Variants in UBALD1 observed in about 807,000 individuals in gnomAD.
UBALD1 encodes the protein UBA like domain containing 1, also known as UBA-like domain-containing protein 1.
Under a neutral mutation model 16.1 loss-of-function variants are expected in UBALD1, and 5 were observed. That is an observed-to-expected ratio of 0.31 (90% CI 0.16 to 0.66). The LOEUF (loss-of-function observed/expected upper bound fraction) is 0.66, where lower values mean the gene tolerates loss of function less well. UBALD1 is among the 30% of genes least tolerant of loss of function. The probability of loss-of-function intolerance (pLI) is 0.77; values close to 1 mark genes in which losing one functional copy is unlikely to be tolerated. For synonymous variants in UBALD1, 146 were observed against 105.3 expected, an observed-to-expected ratio of 1.39 and a Z score of -2.37; for missense variants, 220 against 252.8, an observed-to-expected ratio of 0.87 and a Z score of 0.88.
intron 1 of UBALD1, among the ~76,000 whole-genome samples, chr16:4,612,985 C>T (rs1480889257): frequency 1.3e-5 from 2 of 152,040 alleles, no homozygotes; most frequent in Non-Finnish European, 2.9e-5. Context: ...TTTCAATTAA[C>T]TGTGCCGCTG....
chr16:4,609,821 T>C lies in UBALD1; in HGVS notation c.346A>G (p.Thr116Ala). ...SPPPHFPHAATSSSAASSWPT... is the reference protein window; with the variant it reads ...SPPPHFPHAAASSSAASSWPT... ...CAGCTGGAGGCCGCAGAGCTGCTGG[T>C]GGCGGCATGGGGGAAGTGTGGCGGG... The change falls in exon 3 of 3, where the codon ACC (threonine) becomes GCC (alanine). Residue 116 changes from threonine (T) to alanine (A), a missense_variant. This residue lies in a region of UBALD1 where 151 missense variants were observed against 132.6 expected (regional missense o/e 1.14). Coordinates refer to ENST00000283474, the MANE Select transcript of UBALD1 (RefSeq NM_145253.3). The C allele has an allele frequency of 6.6e-7, 1 of 1,514,598 alleles. No individual in the cohort carries two copies. The highest frequency in any genetic ancestry group is 2.3e-5 in the East Asian group (1 of 42,880). 93.8% of individuals were successfully genotyped at this position (1,514,598 alleles called of 1,614,324 possible). A position where few individuals can be genotyped will look rare whatever the true frequency, so the allele number is the denominator to read the frequency against.
In UBALD1 at chr16:4,610,550, G is replaced by A. The variant is rs146900774; in HGVS notation, c.126C>T (p.Ala42=). The A allele has an allele frequency of 2.5e-6, 4 of 1,611,836 alleles. No individual in the cohort carries two copies. Among genetic ancestry groups the A allele is most frequent in the East Asian group, 2.2e-5 (1 of 44,850 alleles). The change falls in exon 2 of 3, where the codon GCC becomes GCT. Residue 42 remains alanine, a synonymous_variant. Coordinates refer to ENST00000283474, the MANE Select transcript of UBALD1 (RefSeq NM_145253.3). ...TGGTCTCCTGGAAAAAGGCGCTGAGGGCTGTCTGCAGGAAGAAAGGCCCCT... is the reference window on the plus strand; with the variant it reads ...TGGTCTCCTGGAAAAAGGCGCTGAGAGCTGTCTGCAGGAAGAAAGGCCCCT... ...LQAAHWQFET[A]LSAFFQETNI...
chr16:4,609,947 TG>T lies in UBALD1; in HGVS notation c.219del (p.Asn74ThrfsTer150). The stretch of plus-strand genomic sequence containing the variant: ...AACATGGTGAGAGCGTCAGGGAAGT[TG>T]GGGGGTGTAGCAGGGGTATTGGCGG... ...CTPANTPATP[P>X]NFPDALTMFS... On this transcript the variant is annotated frameshift_variant, in exon 3 of 3. Coordinates refer to ENST00000283474, the MANE Select transcript of UBALD1 (RefSeq NM_145253.3). LOFTEE classifies it high-confidence loss of function. 4.9e-6 allele frequency: 7 copies of T among 1,422,652 alleles called. No homozygotes were observed. The highest frequency in any genetic ancestry group is 4.5e-5 in the Admixed American group (2 of 44,896). 88.1% of individuals were successfully genotyped at this position (1,422,652 alleles called of 1,614,324 possible). A position where few individuals can be genotyped will look rare whatever the true frequency, so the allele number is the denominator to read the frequency against.
In UBALD1 at chr16:4,609,669, T is replaced by A; in HGVS notation, c.498A>T (p.Glu166Asp). The A allele has an allele frequency of 2.1e-6, 3 of 1,453,468 alleles. No homozygotes were observed. Among genetic ancestry groups the A allele is most frequent in the Non-Finnish European group, 2.7e-6 (3 of 1,103,440 alleles). The allele number at this position is 1,453,468 out of a possible 1,614,324, so 90.0% of individuals were successfully genotyped here. A position where few individuals can be genotyped will look rare whatever the true frequency, so the allele number is the denominator to read the frequency against. The part of the protein sequence containing the change: ...PPLAPQQATS[E>D]PRAHPAMEAE... The stretch of plus-strand genomic sequence containing the variant: ...CCTCCATGGCAGGGTGGGCCCTGGG[T>A]TCTGAGGTGGCCTGTTGGGGGGCCA... The change falls in exon 3 of 3, where the codon GAA (glutamate) becomes GAT (aspartate). Residue 166 changes from glutamate (E) to aspartate (D), a missense_variant. This residue lies in a region of UBALD1 where 151 missense variants were observed against 132.6 expected (regional missense o/e 1.14). Transcript: ENST00000283474.
In UBALD1 at chr16:4,609,691, G is replaced by A. The variant is rs772675555; in HGVS notation, c.476C>T (p.Ala159Val). 8.1e-6 allele frequency: 12 copies of A among 1,478,736 alleles called. No individual in the cohort carries two copies. Among genetic ancestry groups the A allele is most frequent in the Middle Eastern group, 4.2e-4 (2 of 4,728 alleles). The allele number at this position is 1,478,736 out of a possible 1,614,324, so 91.6% of individuals were successfully genotyped here. ...GGGTTCTGAGGTGGCCTGTTGGGGG[G>A]CCAGGGGTGGCCAGTCTGAAGCCGG... ...PSPASDWPPL[A>V]PQQATSEPRA... Residue 159 changes from alanine to valine, a missense_variant, in exon 3 of 3, where the codon GCC (alanine) becomes GTC (valine). Physicochemically the swap from Ala to Val is moderately conservative, Grantham distance 64. This residue lies in a region of UBALD1 where 151 missense variants were observed against 132.6 expected (regional missense o/e 1.14). Coordinates refer to ENST00000283474, the MANE Select transcript of UBALD1 (RefSeq NM_145253.3).
At position 4,609,615 on chromosome 16, in the gene UBALD1, AGGGG is replaced by A. The variant is rs747552005; in HGVS notation, c.*14_*17del. On this transcript the variant is annotated 3_prime_UTR_variant, in exon 3 of 3. Transcript: ENST00000283474. ...GCCCCACGGGGTCCTGGCCTCCGGG[AGGGG>A]GGAGGGGCCTCCCTTATCTCTCTGC... 8.6e-7 allele frequency: 1 copy of A among 1,158,882 alleles called. No individual in the cohort carries two copies. The highest frequency in any genetic ancestry group is 2.8e-5 in the East Asian group (1 of 36,176). 71.8% of individuals were successfully genotyped at this position (1,158,882 alleles called of 1,614,324 possible).
intron 1 of UBALD1, 89 bp downstream of exon 1, chr16:4,614,589 G>C: frequency 7.9e-7 from 1 of 1,268,906 alleles, no homozygotes; most frequent in African/African-American, 1.6e-5. Context: ...CAGCCGGCAC[G>C]CGTCCACGCC....
At chr16:4,613,113 C>G (rs553516963) in intron 1 of UBALD1, among the ~76,000 whole-genome samples, 1 of 152,292 alleles carries the variant, frequency 6.6e-6, no homozygotes, top group Admixed American at 6.5e-5. Flanking sequence ...GCGAGGGAAC[C>G]CTGCGTGCAG....
intron 1 of UBALD1, 48 bp from the exon 2 acceptor site, chr16:4,610,603 T>G: frequency 7.6e-6 from 12 of 1,578,974 alleles, no homozygotes; most frequent in Non-Finnish European, 1.0e-5. Context: ...CCGCCGGCCC[T>G]GCCGCTGCCC....
At position 4,609,611 on chromosome 16, in the gene UBALD1, CGGGAGGG is replaced by C. The variant is rs1897331507; in HGVS notation, c.*15_*21del. The stretch of plus-strand genomic sequence containing the variant: ...CCCCGCCCCACGGGGTCCTGGCCTC[CGGGAGGG>C]GGGAGGGGCCTCCCTTATCTCTCTG... On this transcript the variant is annotated 3_prime_UTR_variant, in exon 3 of 3. Coordinates refer to ENST00000283474, the MANE Select transcript of UBALD1 (RefSeq NM_145253.3). 1 of 1,156,782 alleles carries C rather than the reference CGGGAGGG, an allele frequency of 8.6e-7. No individual in the cohort carries two copies. The highest frequency in any genetic ancestry group is 1.6e-5 in the African/African-American group (1 of 62,698). 71.7% of individuals were successfully genotyped at this position (1,156,782 alleles called of 1,614,324 possible). A position where few individuals can be genotyped will look rare whatever the true frequency, so the allele number is the denominator to read the frequency against.
intron 2 of UBALD1, 127 bp from the exon 3 acceptor site, chr16:4,610,110 A>G (rs1462458538): frequency 3.6e-6 from 3 of 831,932 alleles, no homozygotes; most frequent in East Asian, 2.6e-5. Flanking sequence ...CAGATCCCCA[A>G]GCCTGTCCGC....
intron 2 of UBALD1, 110 bp from the exon 3 acceptor site, chr16:4,610,093 C>T (rs1254380401): frequency 1.1e-6 from 1 of 906,158 alleles, no homozygotes; most frequent in African/African-American, 1.6e-5. Context: ...GCTCTGTGTT[C>T]CTTCCCCAGA....
intron 1 of UBALD1, among the ~76,000 whole-genome samples, chr16:4,613,315 A>T (rs1044386779): frequency 6.6e-6 from 1 of 152,100 alleles, no homozygotes; most frequent in Non-Finnish European, 1.5e-5. Flanking sequence ...CACCATACAG[A>T]TGTGGAAACT....
rs1660982158 is a variant in UBALD1 at position 4,614,874 on chromosome 16, G to C, written c.-77C>G. ...CTCACGCGTCCACCATTAGCGAGCC[G>C]GCTCCGGCTAATACAAATATTTACT... On this transcript the variant is annotated 5_prime_UTR_variant, in exon 1 of 3. Coordinates refer to ENST00000283474, the MANE Select transcript of UBALD1 (RefSeq NM_145253.3). 1.5e-6 allele frequency: 2 copies of C among 1,354,034 alleles called. No individual in the cohort carries two copies. The highest frequency in any genetic ancestry group is 1.7e-5 in the South Asian group (1 of 58,864). 83.9% of individuals were successfully genotyped at this position (1,354,034 alleles called of 1,614,324 possible).
In UBALD1 at chr16:4,609,263, C is replaced by T; in HGVS notation, c.*370G>A. The T allele has an allele frequency of 4.9e-6, 1 of 205,994 alleles. No homozygotes were observed. Among genetic ancestry groups the T allele is most frequent in the Non-Finnish European group, 9.7e-6 (1 of 103,468 alleles). 12.8% of individuals were successfully genotyped at this position (205,994 alleles called of 1,614,324 possible). A position where few individuals can be genotyped will look rare whatever the true frequency, so the allele number is the denominator to read the frequency against. ...TAGGGTGGGGGTCGAGGCCTGCCGG[C>T]CCCCAAGGAGCTCCAAGCCAGGGAT... On this transcript the variant is annotated 3_prime_UTR_variant, in exon 3 of 3. Transcript: ENST00000283474.
Position 4,609,810 on chromosome 16 carries a change from A to G in UBALD1, c.357T>C (p.Ser119=), listed in dbSNP as rs573880617. 10 of 1,518,470 alleles carry G rather than the reference A, an allele frequency of 6.6e-6. No individual in the cohort carries two copies. The African/African-American group carries it at 1.3e-4, about 19-fold the overall frequency. 94.1% of individuals were successfully genotyped at this position (1,518,470 alleles called of 1,614,324 possible). The change falls in exon 3 of 3, where the codon TCT becomes TCC. Residue 119 remains serine (S), a synonymous_variant. Transcript: ENST00000283474. ...CCGCCGTGGGCCAGCTGGAGGCCGC[A>G]GAGCTGCTGGTGGCGGCATGGGGGA... ...PHFPHAATSS[S]AASSWPTAAS...
chr16:4,612,220 C>T (rs1897367126), intron 1 of UBALD1, among the ~76,000 whole-genome samples: 1 of 152,042 alleles, frequency 6.6e-6, no homozygotes, highest in African/African-American at 2.4e-5. Flanking sequence ...CGTGCCACCA[C>T]ACCTGGCTAA....
At chr16:4,611,745 G>A (rs969594527) in intron 1 of UBALD1, among the ~76,000 whole-genome samples, 10 of 152,240 alleles carry the variant, frequency 6.6e-5, no homozygotes, top group African/African-American at 2.4e-4. Context: ...AGCCCCAGAG[G>A]GAGGCGCTGG....
intron 2 of UBALD1, chr16:4,610,266 C>T: frequency 1.4e-6 from 1 of 714,324 alleles, no homozygotes; most frequent in Non-Finnish European, 2.5e-6. Flanking sequence ...GGGTAAGGAG[C>T]TTCATTGCCC....
Sources: gnomAD v4.1 joint callset for allele counts (sites outside exome capture counted in the v4.1 genomes callset) on GRCh38, gnomAD v4.1.1 for gene constraint, gnomAD v4.1.1 regional missense constraint, MANE v1.5 for transcripts, NCBI Gene and HGNC (gene_info 2026-07-23, HGNC 2026-07-21) for gene names.